Variants in SYT9 observed in about 807,000 individuals in gnomAD.
SYT9 encodes synaptotagmin-9.
A neutral mutation model predicts 48.4 loss-of-function variants in SYT9; 22 were observed. That is an observed-to-expected ratio of 0.45 (90% CI 0.32 to 0.65). The LOEUF (loss-of-function observed/expected upper bound fraction) is 0.65, where lower values mean the gene tolerates loss of function less well. Ranked by LOEUF, SYT9 falls within the 30% of genes least tolerant of loss-of-function variation. The probability of loss-of-function intolerance (pLI) is 0.03; values close to 1 mark genes in which losing one functional copy is unlikely to be tolerated. For missense variants in SYT9, 577 were observed against 622.0 expected (o/e 0.93, Z 0.77); for synonymous variants, 265 against 245.0 (o/e 1.08, Z -0.76).
chr11:7,352,711 C>G (rs1849941285), intron 3 of SYT9, among the ~76,000 whole-genome samples: 1 of 152,054 alleles, frequency 6.6e-6, no homozygotes, highest in African/African-American at 2.4e-5. Flanking sequence ...TGAGACACAC[C>G]TATGAAAAGC....
chr11:7,300,343 T>C (rs1438838128), intron 1 of SYT9, among the ~76,000 whole-genome samples: 1 of 152,230 alleles, frequency 6.6e-6, no homozygotes, highest in Non-Finnish European at 1.5e-5. Flanking sequence ...TCTTTTCTCA[T>C]GCAGAATGTG....
At chr11:7,253,628 G>A (rs1847914096) in intron 1 of SYT9, among the ~76,000 whole-genome samples, 1 of 152,084 alleles carries the variant, frequency 6.6e-6, no homozygotes, top group African/African-American at 2.4e-5. Flanking sequence ...ATTGCCGGTG[G>A]TTATATTAAC....
chr11:7,404,954 C>G (rs1054919183), intron 3 of SYT9, among the ~76,000 whole-genome samples: 18 of 152,082 alleles, frequency 1.2e-4, no homozygotes, highest in African/African-American at 3.9e-4. Context: ...CCCAATATAT[C>G]TTTCTAACAA....
intron 3 of SYT9, among the ~76,000 whole-genome samples, chr11:7,320,699 T>C (rs937236215): frequency 2.6e-5 from 4 of 152,216 alleles, no homozygotes; most frequent in East Asian, 3.8e-4. Context: ...AAGGAGAGTG[T>C]GAGTTTTATA....
At chr11:7,296,647 A>C (rs773622437) in intron 1 of SYT9, among the ~76,000 whole-genome samples, 1 of 152,170 alleles carries the variant, frequency 6.6e-6, no homozygotes, top group Non-Finnish European at 1.5e-5. Context: ...TCACAGGAAT[A>C]TTATCTTTTT....
chr11:7,280,777 A>G (rs911206292), intron 1 of SYT9, among the ~76,000 whole-genome samples: 2 of 83,032 alleles, frequency 2.4e-5, no homozygotes, highest in Non-Finnish European at 5.3e-5. Flanking sequence ...AGATGTAAGT[A>G]AGATACTATA....
intron 6 of SYT9, among the ~76,000 whole-genome samples, chr11:7,430,457 C>T (rs373156250): frequency 2.3e-4 from 35 of 152,080 alleles, no homozygotes; most frequent in African/African-American, 7.7e-4. Context: ...TGATTTTTTC[C>T]TTCATAGCTT....
At chr11:7,323,980 A>T (rs1601801) in intron 3 of SYT9, among the ~76,000 whole-genome samples, 145,212 of 151,990 alleles carry the variant, frequency 0.96, 69,685 homozygotes, top group East Asian at 1. Flanking sequence ...CTAGTCTCTT[A>T]AAGATTTTGT....
At chr11:7,342,168 T>G (rs550496885) in intron 3 of SYT9, among the ~76,000 whole-genome samples, 42 of 152,240 alleles carry the variant, frequency 2.8e-4, no homozygotes, top group African/African-American at 9.6e-4. Flanking sequence ...ATTCCACCCC[T>G]GGGCCTCTCC....
In SYT9 at chr11:7,252,150, C is replaced by T; in HGVS notation, c.-37C>T. On this transcript the variant is annotated 5_prime_UTR_variant, in exon 1 of 7. Coordinates refer to ENST00000318881, the MANE Select transcript of SYT9 (RefSeq NM_175733.4). The surrounding 1 kb of genome is among the most constrained non-coding windows in gnomAD (Gnocchi z 6.3). ...GCAGGCGGAGGGCTGTCTCCTGCGC[C>T]CGCCTGCCCGGCGCGGTCCGAGGAT... 4.3e-6 allele frequency: 6 copies of T among 1,384,350 alleles called. No homozygotes were observed. Among genetic ancestry groups the T allele is most frequent in the Non-Finnish European group, 4.7e-6 (5 of 1,073,702 alleles). The allele number at this position is 1,384,350 out of a possible 1,614,324, so 85.8% of individuals were successfully genotyped here.
At chr11:7,315,784 C>T (rs979769306) in intron 3 of SYT9, among the ~76,000 whole-genome samples, 2 of 152,190 alleles carry the variant, frequency 1.3e-5, no homozygotes, top group Non-Finnish European at 2.9e-5. Flanking sequence ...GCCATTTCAG[C>T]ATTCTCTTGG....
chr11:7,303,146 C>G lies in SYT9; in HGVS notation c.253C>G (p.Arg85Gly). The G allele has an allele frequency of 6.2e-7, 1 of 1,614,186 alleles. No homozygotes were observed. Among genetic ancestry groups the G allele is most frequent in the Non-Finnish European group, 8.5e-7 (1 of 1,180,030 alleles). ...ACTCTGCTGGGTTCCGTGGCGAGAA[C>G]GAGGCCTGCCCTCTGGTAGCAAAGA... ...WKLCWVPWRE[R>G]GLPSGSKDNN... Residue 85 changes from arginine (R) to glycine (G), a missense_variant, in exon 2 of 7, where the codon CGA (arginine) becomes GGA (glycine). By Grantham distance (125) the Arg-to-Gly change is moderately radical. Transcript: ENST00000318881.
chr11:7,300,745 T>C (rs148614949), intron 1 of SYT9, among the ~76,000 whole-genome samples: 1 of 152,338 alleles, frequency 6.6e-6, no homozygotes, highest in African/African-American at 2.4e-5. Context: ...TGCAGCCTGA[T>C]TACCTGGGAC....
At chr11:7,406,048 A>C (rs1392541104) in intron 3 of SYT9, among the ~76,000 whole-genome samples, 2 of 152,124 alleles carry the variant, frequency 1.3e-5, no homozygotes, top group African/African-American at 4.8e-5. Flanking sequence ...TTTGATACAA[A>C]ATATTATAGA....
chr11:7,372,257 T>A (rs563484546), intron 3 of SYT9, among the ~76,000 whole-genome samples: 2 of 152,222 alleles, frequency 1.3e-5, no homozygotes, highest in South Asian at 4.1e-4. Context: ...ATATTGTGTA[T>A]CTTCTTTTAT....
At chr11:7,395,479 T>A (rs990363357) in intron 3 of SYT9, among the ~76,000 whole-genome samples, 6 of 152,178 alleles carry the variant, frequency 3.9e-5, no homozygotes, top group Non-Finnish European at 4.4e-5. Flanking sequence ...TGTGTGACTG[T>A]CTAAGTCTTT....
intron 6 of SYT9, chr11:7,465,869 AT>A (rs5789519): frequency 0.17 from 28,891 of 170,866 alleles, 2,888 homozygotes; most frequent in African/African-American, 0.28. Context: ...TGATAAACCC[AT>A]CAGATCTCGT....
chr11:7,382,526 G>C (rs1850584703), intron 3 of SYT9, among the ~76,000 whole-genome samples: 1 of 152,124 alleles, frequency 6.6e-6, no homozygotes, highest in Non-Finnish European at 1.5e-5. Context: ...AATATTAATA[G>C]TGAGTTGCTT....
chr11:7,458,215 G>A lies in SYT9; in HGVS notation c.1468-8577G>A, dbSNP rs563318428. Among the ~76,000 whole-genome samples the A allele has an allele frequency of 3.0e-4, 46 of 152,218 alleles. No homozygotes were observed. The South Asian group carries it at 8.7e-3, about 29-fold the overall frequency. Reference sequence around the variant, plus strand: ...ATAAAATAGGGCCGGGTGCGGTGGCGCACACCTGTAATCCCAGCGCTTTGG... The same window carrying A: ...ATAAAATAGGGCCGGGTGCGGTGGCACACACCTGTAATCCCAGCGCTTTGG... On this transcript the variant is annotated intron_variant, in intron 6 of 6. Coordinates refer to ENST00000318881, the MANE Select transcript of SYT9 (RefSeq NM_175733.4).
Sources: gnomAD v4.1 joint callset for allele counts (sites outside exome capture counted in the v4.1 genomes callset) on GRCh38, gnomAD v4.1.1 for gene constraint, Gnocchi (gnomAD v3.1) non-coding constraint, MANE v1.5 for transcripts, NCBI Gene and HGNC (gene_info 2026-07-23, HGNC 2026-07-21) for gene names.